Variants in SIRT2 observed in about 807,000 individuals in gnomAD.
SIRT2 encodes sirtuin 2, also known as NAD-dependent protein deacetylase sirtuin-2.
A neutral mutation model predicts 57.4 loss-of-function variants in SIRT2; 40 were observed. The ratio of observed to expected loss-of-function variants is 0.70; its 90% CI spans 0.54 to 0.91. SIRT2 has a LOEUF of 0.91. Among genes scored for constraint, SIRT2 ranks in the 40% least tolerant of loss-of-function variants. The pLI is 0.00. For synonymous variants in SIRT2, 161 were observed against 195.7 expected, an observed-to-expected ratio of 0.82 and a Z score of 1.48; for missense variants, 439 against 510.4, an observed-to-expected ratio of 0.86 and a Z score of 1.35.
Position 38,880,739 on chromosome 19 carries a change from G to C in SIRT2, c.825-3C>G, listed in dbSNP as rs1410234379. 1 of 1,608,608 alleles carries C rather than the reference G, an allele frequency of 6.2e-7. No individual in the cohort carries two copies. ...GGCGAGGGGTGGAGAGGGGTGCCCT[G>C]TGGGGAGGGGGAGCTAAGGGGTCAG... is the stretch of plus-strand genomic sequence containing the variant. On this transcript the variant is annotated splice_polypyrimidine_tract_variant and splice_region_variant and intron_variant, in intron 12 of 15. Transcript: ENST00000249396. The surrounding 1 kb of genome is among the most constrained non-coding windows in gnomAD (Gnocchi z 4.1).
rs199613421 is a variant in SIRT2 at position 38,879,714 on chromosome 19, G to C, written c.877-12C>G. On this transcript the variant is annotated splice_polypyrimidine_tract_variant and intron_variant, in intron 13 of 15. Coordinates refer to ENST00000249396, the MANE Select transcript of SIRT2 (RefSeq NM_012237.4). ...AGGAAAGGGTCCGACTGTCAGGGAG[G>C]GGGTGGGTCAGGGGCAGGAGCAGGG... 9.6e-6 allele frequency: 15 copies of C among 1,560,058 alleles called. No individual in the cohort carries two copies. Among genetic ancestry groups the C allele is most frequent in the African/African-American group, 2.7e-5 (2 of 73,532 alleles).
chr19:38,888,380 C>T (rs1973409118), intron 8 of SIRT2, among the ~76,000 whole-genome samples: 2 of 151,964 alleles, frequency 1.3e-5, no homozygotes, highest in Admixed American at 6.6e-5. Flanking sequence ...CCTATGTTGC[C>T]CAGGCGGGTC....
Position 38,880,608 on chromosome 19 carries a change from T to G in SIRT2, c.876+77A>C. On this transcript the variant is annotated intron_variant, in intron 13 of 15. Coordinates refer to ENST00000249396, the MANE Select transcript of SIRT2 (RefSeq NM_012237.4). The surrounding 1 kb of genome is among the most constrained non-coding windows in gnomAD (Gnocchi z 4.1). ...AATGCAAAGTGCTGGGGTTCCACAG[T>G]GGGGGTTCCCTCTGAGGAAAAGGGT... 2 of 969,870 alleles carry G rather than the reference T, an allele frequency of 2.1e-6. No individual in the cohort carries two copies. The highest frequency in any genetic ancestry group is 3.1e-6 in the Non-Finnish European group (2 of 639,640). The allele number at this position is 969,870 out of a possible 1,614,324, so 60.1% of individuals were successfully genotyped here. A position where few individuals can be genotyped will look rare whatever the true frequency, so the allele number is the denominator to read the frequency against.
rs10418507 is a variant in SIRT2, at chr19:38,890,225, T to C, written c.227-81A>G. On this transcript the variant is annotated intron_variant, in intron 4 of 15. Transcript: ENST00000249396. ...GCACCACCCATCACAGCCCCTGACA[T>C]CGTTTACTCCATGCCAGGCCCTGGG... The C allele has an allele frequency of 3.9e-3, 5,674 of 1,441,378 alleles. 157 individuals are homozygous for C. The African/African-American group carries it at 0.06, about 15-fold the overall frequency. The allele number at this position is 1,441,378 out of a possible 1,614,324, so 89.3% of individuals were successfully genotyped here.
intron 4 of SIRT2, 143 bp from the exon 5 acceptor site, chr19:38,890,287 T>C (rs1434603185): frequency 5.3e-6 from 4 of 749,712 alleles, no homozygotes; most frequent in Non-Finnish European, 9.1e-6. Context: ...CTTCCAATCA[T>C]CTAGACGGGG....
chr19:38,889,169 C>T lies in SIRT2; in HGVS notation c.433-14G>A, dbSNP rs771074835. The T allele has an allele frequency of 8.7e-6, 14 of 1,611,906 alleles. No homozygotes were observed. Among genetic ancestry groups the T allele is most frequent in the Middle Eastern group, 1.6e-4 (1 of 6,084 alleles). On this transcript the variant is annotated splice_polypyrimidine_tract_variant and intron_variant, in intron 7 of 15. Transcript: ENST00000249396. ...ACAGATGGTTGGCTGCAGGGAAGAG[C>T]GACAGCACTGCTGACGACTGCAGGG...
At chr19:38,881,210 A>G in intron 10 of SIRT2, 55 bp from the exon 11 acceptor site, 2 of 1,567,350 alleles carry the variant, frequency 1.3e-6, no homozygotes, top group Admixed American at 3.6e-5. Flanking sequence ...GGCAGAGAGG[A>G]CAGGTGGGAG....
Position 38,880,953 on chromosome 19 carries a change from TC to T in SIRT2, c.748-57del. ...CCGCCCAGGCTGCGCCACCGCTCCC[TC>T]CCCCGCCCCCAGCAGCAAACCTCCC... On this transcript the variant is annotated intron_variant, in intron 11 of 15. Coordinates refer to ENST00000249396, the MANE Select transcript of SIRT2 (RefSeq NM_012237.4). The surrounding 1 kb of genome is among the most constrained non-coding windows in gnomAD (Gnocchi z 4.1). The T allele has an allele frequency of 4.5e-6, 7 of 1,570,040 alleles. No individual in the cohort carries two copies. Among genetic ancestry groups the T allele is most frequent in the Non-Finnish European group, 6.1e-6 (7 of 1,142,956 alleles).
intron 4 of SIRT2, 77 bp from the exon 5 acceptor site, chr19:38,890,221 G>A: frequency 6.8e-7 from 1 of 1,480,752 alleles, no homozygotes; most frequent in Non-Finnish European, 9.4e-7. Flanking sequence ...CACAGCCCCT[G>A]ACATCGTTTA....
intron 7 of SIRT2, chr19:38,889,458 G>A: frequency 1.5e-6 from 1 of 662,656 alleles, no homozygotes; most frequent in South Asian, 1.8e-5. Context: ...AAGCCTCGCA[G>A]CAGCCCTCTT....
At chr19:38,892,161 C>T (rs887785839) in intron 4 of SIRT2, among the ~76,000 whole-genome samples, 4 of 152,022 alleles carry the variant, frequency 2.6e-5, no homozygotes, top group Admixed American at 1.3e-4. Flanking sequence ...TTTGGGAGGC[C>T]GAGGAGGGTG....
In SIRT2 at chr19:38,879,287, C is replaced by T; in HGVS notation, c.1038G>A (p.Arg346=). The change falls in exon 16 of 16, where the codon CGG becomes CGA. Residue 346 remains arginine, a synonymous_variant. Coordinates refer to ENST00000249396, the MANE Select transcript of SIRT2 (RefSeq NM_012237.4). ...GWKKELEDLV[R]REHASIDAQS... is the part of the protein sequence containing the mutation. ...GGGCATCTATGCTGGCGTGCTCCCTCCGGACAAGGTCCTCCAGCTCCTTCT... is the reference window on the plus strand; with the variant it reads ...GGGCATCTATGCTGGCGTGCTCCCTTCGGACAAGGTCCTCCAGCTCCTTCT... 3 of 1,613,356 alleles carry T rather than the reference C, an allele frequency of 1.9e-6. No homozygotes were observed. Among genetic ancestry groups the T allele is most frequent in the Non-Finnish European group, 1.7e-6 (2 of 1,179,854 alleles).
chr19:38,892,683 C>T (rs1973579268), intron 4 of SIRT2, among the ~76,000 whole-genome samples: 1 of 152,068 alleles, frequency 6.6e-6, no homozygotes, highest in Admixed American at 6.6e-5. Flanking sequence ...AAACAATCCT[C>T]CCTTCTCAGC....
chr19:38,885,027 C>T (rs931976277), intron 8 of SIRT2, among the ~76,000 whole-genome samples: 5 of 152,134 alleles, frequency 3.3e-5, no homozygotes, highest in African/African-American at 1.2e-4. Flanking sequence ...CTATCTTCCC[C>T]TTTAGTAGCC....
Position 38,880,957 on chromosome 19 carries a change from C to T in SIRT2, c.748-60G>A, listed in dbSNP as rs1442622297. Reference sequence around the variant, plus strand: ...CCAGGCTGCGCCACCGCTCCCTCCCCCGCCCCCAGCAGCAAACCTCCCTGC... The same window carrying T: ...CCAGGCTGCGCCACCGCTCCCTCCCTCGCCCCCAGCAGCAAACCTCCCTGC... On this transcript the variant is annotated intron_variant, in intron 11 of 15. Transcript: ENST00000249396. This position sits in a 1 kb window ranked among gnomAD's most constrained non-coding sequence, Gnocchi z 4.1. 4.4e-6 allele frequency: 7 copies of T among 1,573,960 alleles called. No individual in the cohort carries two copies. The East Asian group carries it at 1.3e-4, about 30-fold the overall frequency.
At chr19:38,891,776 C>T in intron 4 of SIRT2, 1 of 432,370 alleles carries the variant, frequency 2.3e-6, no homozygotes, top group South Asian at 1.6e-5. Flanking sequence ...CTCCTGGGCA[C>T]CCTCATGAGC....
chr19:38,879,578 C>T (rs985652541), intron 14 of SIRT2, 54 bp downstream of exon 14: 2 of 1,554,090 alleles, frequency 1.3e-6, no homozygotes, highest in East Asian at 2.4e-5. Context: ...CGTGCCCCCG[C>T]TCCCACCTCA....
chr19:38,888,895 A>G (rs1411936990), intron 8 of SIRT2, among the ~76,000 whole-genome samples, 192 bp downstream of exon 8: 2 of 152,240 alleles, frequency 1.3e-5, no homozygotes, highest in Admixed American at 6.5e-5. Context: ...TGTTTGACGG[A>G]AGGGGAAACT....
rs1386520689 is a variant in SIRT2, at chr19:38,899,558, C to T, written c.-37G>A. 2.5e-6 allele frequency: 4 copies of T among 1,613,754 alleles called. No homozygotes were observed. Among genetic ancestry groups the T allele is most frequent in the Non-Finnish European group, 3.4e-6 (4 of 1,179,920 alleles). On this transcript the variant is annotated 5_prime_UTR_variant, in exon 1 of 16. Transcript: ENST00000249396. ...TGAAGCCCTTGAGGCTGTCACCGAC[C>T]GCTCTGTCCCGTCACCAACCACTGT...
Sources: gnomAD v4.1 joint callset for allele counts (sites outside exome capture counted in the v4.1 genomes callset) on GRCh38, gnomAD v4.1.1 for gene constraint, Gnocchi (gnomAD v3.1) non-coding constraint, MANE v1.5 for transcripts, NCBI Gene and HGNC (gene_info 2026-07-23, HGNC 2026-07-21) for gene names.